The following MYT1L variants were observed in gnomAD, a reference collection of about 807,000 sequenced individuals.
The protein encoded by MYT1L is myelin transcription factor 1 like, also known as myelin transcription factor 1-like protein.
Under a neutral mutation model 126.7 loss-of-function variants are expected in MYT1L, and 12 were observed. The ratio of observed to expected loss-of-function variants is 0.09; its 90% CI spans 0.06 to 0.15. The LOEUF (loss-of-function observed/expected upper bound fraction) is 0.15. MYT1L is among the 10% of genes least tolerant of loss of function. The pLI is 1.00. For synonymous variants in MYT1L, 541 were observed against 604.2 expected (o/e 0.90, Z 1.53); for missense variants, 979 against 1,585.2 (o/e 0.62, Z 6.49).
intron 4 of MYT1L, among the ~76,000 whole-genome samples, chr2:2,042,199 T>C (rs2150022481): frequency 6.6e-6 from 1 of 152,318 alleles, no homozygotes; most frequent in East Asian, 1.9e-4. Flanking sequence ...TGCCCATCTG[T>C]AGGCTGATAC....
intron 1 of MYT1L, among the ~76,000 whole-genome samples, chr2:2,286,787 A>T (rs2095526893): frequency 6.6e-6 from 1 of 152,202 alleles, no homozygotes; most frequent in Non-Finnish European, 1.5e-5. Context: ...GCCAGGACAC[A>T]GCAGGCTTCC....
intron 8 of MYT1L, among the ~76,000 whole-genome samples, chr2:1,966,342 T>C (rs2059354117): frequency 6.6e-6 from 1 of 152,206 alleles, no homozygotes; most frequent in Non-Finnish European, 1.5e-5. Flanking sequence ...AAAACGATCG[T>C]TTTAAAAACA....
intron 3 of MYT1L, among the ~76,000 whole-genome samples, chr2:2,083,125 G>A (rs953847124): frequency 2.6e-5 from 4 of 152,208 alleles, no homozygotes; most frequent in Non-Finnish European, 5.9e-5. Context: ...GATGTGGAAG[G>A]TGTCTTCACT....
chr2:2,305,491 A>G (rs2095845901), intron 1 of MYT1L, among the ~76,000 whole-genome samples: 1 of 152,232 alleles, frequency 6.6e-6, no homozygotes, highest in African/African-American at 2.4e-5. Context: ...AGGATTCCTT[A>G]TTACCTTAGA....
intron 3 of MYT1L, among the ~76,000 whole-genome samples, chr2:2,076,079 C>G (rs539393023): frequency 6.6e-6 from 1 of 152,114 alleles, no homozygotes; most frequent in East Asian, 1.9e-4. Flanking sequence ...ATCATGGAGA[C>G]AGCAAACTGC....
chr2:2,040,776 A>G (rs1320752121), intron 4 of MYT1L, among the ~76,000 whole-genome samples: 1 of 152,158 alleles, frequency 6.6e-6, no homozygotes, highest in Non-Finnish European at 1.5e-5. Flanking sequence ...TAAAAGTTTG[A>G]AGTAAAAGTA....
intron 19 of MYT1L, among the ~76,000 whole-genome samples, chr2:1,847,229 A>T (rs1278644645): frequency 6.6e-6 from 1 of 152,226 alleles, no homozygotes; most frequent in Non-Finnish European, 1.5e-5. Context: ...ATAATCTCAT[A>T]GGATGGTGAG....
intron 18 of MYT1L, among the ~76,000 whole-genome samples, chr2:1,860,774 C>A (rs1261866768): frequency 6.6e-6 from 1 of 152,042 alleles, no homozygotes; most frequent in African/African-American, 2.4e-5. Context: ...ACTGTTTGTC[C>A]CTTAGGGTAA....
At chr2:2,325,567 A>C (rs755629896) in intron 1 of MYT1L, 2 of 152,232 alleles carry the variant, frequency 1.3e-5, no homozygotes, top group Non-Finnish European at 2.9e-5. Context: ...TGATTTTATA[A>C]ATGGCTTCTT....
intron 22 of MYT1L, among the ~76,000 whole-genome samples, chr2:1,807,364 G>C (rs1185283496): frequency 6.6e-6 from 1 of 152,166 alleles, no homozygotes; most frequent in Non-Finnish European, 1.5e-5. Flanking sequence ...CTGTGGCCAG[G>C]GGCTTCATGC....
intron 13 of MYT1L, among the ~76,000 whole-genome samples, chr2:1,904,799 T>G (rs931337515): frequency 6.0e-5 from 5 of 83,036 alleles, no homozygotes; most frequent in Non-Finnish European, 1.1e-4. Flanking sequence ...CCTGGCTAAT[T>G]TTTTTTTTTT....
At chr2:2,149,164 A>C (rs2085346897) in intron 3 of MYT1L, among the ~76,000 whole-genome samples, 1 of 152,042 alleles carries the variant, frequency 6.6e-6, no homozygotes, top group Non-Finnish European at 1.5e-5. Flanking sequence ...TTGGTTTCTC[A>C]ATTATGTTCT....
intron 3 of MYT1L, among the ~76,000 whole-genome samples, chr2:2,093,404 CAA>C (rs35350564): frequency 0.044 from 5,086 of 116,730 alleles, 267 homozygotes; most frequent in African/African-American, 0.14. Context: ...AAACAATGTA[CAA>C]AAAAAAAAAA....
intron 2 of MYT1L, among the ~76,000 whole-genome samples, chr2:2,277,095 C>T (rs2095372057): frequency 6.6e-6 from 1 of 152,114 alleles, no homozygotes; most frequent in Non-Finnish European, 1.5e-5. Flanking sequence ...CATTCTCCTG[C>T]CTCAGTCACT....
intron 20 of MYT1L, among the ~76,000 whole-genome samples, chr2:1,840,039 G>A (rs1470378957): frequency 1.3e-5 from 2 of 152,252 alleles, no homozygotes; most frequent in Non-Finnish European, 2.9e-5. Context: ...CGCTCCTCAT[G>A]TGTCCTGAGC....
In MYT1L at chr2:1,849,163, A is replaced by AG. The variant is rs527245622; in HGVS notation, c.2774+2477_2774+2478insC. 3.9e-5 allele frequency among the ~76,000 whole-genome samples: 6 copies of AG among 152,258 alleles called. No individual in the cohort carries two copies. The South Asian group carries it at 1.0e-3, about 26-fold the overall frequency. On this transcript the variant is annotated intron_variant, in intron 19 of 24. Coordinates refer to ENST00000647738, the MANE Select transcript of MYT1L (RefSeq NM_001303052.2). ...TGATGCCAACTCCCACCAAAAAAAAAAAAAAATCAGAAAAACAGACATTTG... is the reference window on the plus strand; with the variant it reads ...TGATGCCAACTCCCACCAAAAAAAAAGAAAAAATCAGAAAAACAGACATTTG...
chr2:1,932,146 C>A (rs1274901675), intron 9 of MYT1L, among the ~76,000 whole-genome samples: 1 of 152,208 alleles, frequency 6.6e-6, no homozygotes, highest in Non-Finnish European at 1.5e-5. Flanking sequence ...AGATCCCCCA[C>A]AGCTGATTAA....
intron 2 of MYT1L, among the ~76,000 whole-genome samples, chr2:2,264,754 C>T (rs12470297): frequency 0.59 from 89,682 of 151,948 alleles, 27,137 homozygotes; most frequent in East Asian, 0.9. Context: ...GTCCAAGCGG[C>T]CACGAATCGT....
At chr2:2,318,130 T>C (rs2096098857) in intron 1 of MYT1L, among the ~76,000 whole-genome samples, 1 of 152,222 alleles carries the variant, frequency 6.6e-6, no homozygotes, top group South Asian at 2.1e-4. Context: ...AATTTGCACA[T>C]GTTGGATTTT....
Sources: allele counts gnomAD v4.1 joint callset (sites outside exome capture counted in the v4.1 genomes callset), GRCh38; gene constraint gnomAD v4.1.1; transcripts MANE v1.5; gene names NCBI Gene and HGNC (gene_info 2026-07-23, HGNC 2026-07-21).